The following MYLK4 variants were observed in gnomAD, a reference collection of about 807,000 sequenced individuals.
MYLK4 encodes myosin light chain kinase family member 4.
MYLK4 carries 46 observed loss-of-function variants against 48.1 expected under a neutral mutation model. That is an observed-to-expected ratio of 0.96 (90% confidence interval 0.75 to 1.22). The LOEUF is 1.22. Ranked by LOEUF, MYLK4 falls within the 50% of genes most tolerant of loss-of-function variation. MYLK4 has a pLI of 0.00. For missense variants in MYLK4, 451 were observed against 486.1 expected (o/e 0.93, Z 0.68); for synonymous variants, 170 against 180.8 (o/e 0.94, Z 0.48).
chr6:2,757,444 A>G, the MYLK4 span, among the ~76,000 whole-genome samples: 1 of 152,202 alleles, frequency 6.6e-6, no homozygotes, highest in African/African-American at 2.4e-5. Flanking sequence ...CAACTTGGTC[A>G]TGCCCTTTGA....
intron 7 of MYLK4, among the ~76,000 whole-genome samples, chr6:2,680,834 C>T (rs560104691): frequency 3.3e-4 from 50 of 152,288 alleles, no homozygotes; most frequent in African/African-American, 1.0e-3. Flanking sequence ...TCTCTCCAGT[C>T]GTTCTTCAGT....
At chr6:2,768,245 G>A in the MYLK4 span, among the ~76,000 whole-genome samples, 2 of 152,128 alleles carry the variant, frequency 1.3e-5, no homozygotes, top group Non-Finnish European at 2.9e-5. Flanking sequence ...TTTCTCAGCT[G>A]TCCTGAGCTT....
intron 2 of MYLK4, among the ~76,000 whole-genome samples, chr6:2,728,611 A>G (rs1582105197): frequency 6.6e-6 from 1 of 152,308 alleles, no homozygotes; most frequent in East Asian, 1.9e-4. Flanking sequence ...CTCCCCAGCC[A>G]TGCCCAGAGA....
At chr6:2,769,118 A>G in the MYLK4 span, among the ~76,000 whole-genome samples, 1 of 152,242 alleles carries the variant, frequency 6.6e-6, no homozygotes, top group African/African-American at 2.4e-5. Context: ...AGCTATACGT[A>G]TCAGAAAAGC....
chr6:2,688,604 A>C (rs1761650999), intron 4 of MYLK4, among the ~76,000 whole-genome samples: 2 of 152,032 alleles, frequency 1.3e-5, no homozygotes, highest in African/African-American at 2.4e-5. Flanking sequence ...CCTTCTGGTG[A>C]CTCACAATGG....
At chr6:2,765,942 G>C in the MYLK4 span, 1 of 1,443,840 alleles carries the variant, frequency 6.9e-7, no homozygotes. Context: ...GAGACCGAGA[G>C]CCGCGAGAGC....
At chr6:2,755,900 C>CT (rs1428095927), upstream of MYLK4, among the ~76,000 whole-genome samples, 5 of 152,172 alleles carry the variant, frequency 3.3e-5, no homozygotes, top group East Asian at 9.6e-4. Flanking sequence ...GACACTGTAT[C>CT]TTTTTCAGAA....
At chr6:2,694,562 G>GATGGTGGCGGCGGTGGCA (rs1761974894) in intron 2 of MYLK4, among the ~76,000 whole-genome samples, 1 of 139,974 alleles carries the variant, frequency 7.1e-6, no homozygotes. Context: ...TAGTCGTGGT[G>GATGGTGGCGGCGGTGGCA]GTAGTGGTAG....
the MYLK4 span, among the ~76,000 whole-genome samples, chr6:2,769,908 C>A: frequency 6.6e-6 from 1 of 152,148 alleles, no homozygotes; most frequent in Non-Finnish European, 1.5e-5. Context: ...CAGGCTTGGA[C>A]GGGCATTCCA....
intron 2 of MYLK4, among the ~76,000 whole-genome samples, chr6:2,737,930 G>A (rs1181387472): frequency 8.7e-6 from 1 of 115,558 alleles, no homozygotes; most frequent in Non-Finnish European, 1.6e-5. Context: ...CAAGCAGTGT[G>A]TTAACTGCTT....
the MYLK4 span, among the ~76,000 whole-genome samples, chr6:2,761,481 T>C: frequency 6.6e-6 from 1 of 152,210 alleles, no homozygotes; most frequent in African/African-American, 2.4e-5. Flanking sequence ...CACCACCTAG[T>C]GGAGAAAACC....
At chr6:2,731,072 G>T (rs574509322) in intron 2 of MYLK4, among the ~76,000 whole-genome samples, 1 of 152,218 alleles carries the variant, frequency 6.6e-6, no homozygotes, top group East Asian at 1.9e-4. Flanking sequence ...ATTTAAAAGG[G>T]GTAGTCATCA....
At chr6:2,691,865 G>C (rs551209921) in intron 3 of MYLK4, among the ~76,000 whole-genome samples, 1 of 152,296 alleles carries the variant, frequency 6.6e-6, no homozygotes, top group Admixed American at 6.5e-5. Flanking sequence ...GGAAAACCAA[G>C]TTATAAATCA....
the MYLK4 span, among the ~76,000 whole-genome samples, chr6:2,760,983 G>A: frequency 7.1e-4 from 108 of 152,264 alleles, no homozygotes; most frequent in African/African-American, 2.6e-3. Flanking sequence ...ACTAAAGATG[G>A]CAGGGATGTG....
chr6:2,749,786 GTC>G (rs2113384332), intron 1 of MYLK4, among the ~76,000 whole-genome samples: 1 of 152,178 alleles, frequency 6.6e-6, no homozygotes, highest in Admixed American at 6.5e-5. Flanking sequence ...CACAGAAGGG[GTC>G]TCTCTGCTTC....
chr6:2,726,565 A>G (rs145654923), intron 2 of MYLK4, among the ~76,000 whole-genome samples: 1 of 152,060 alleles, frequency 6.6e-6, no homozygotes, highest in Non-Finnish European at 1.5e-5. Flanking sequence ...ACTCCAAACT[A>G]AAGTAGCTCC....
At chr6:2,763,510 C>T in the MYLK4 span, among the ~76,000 whole-genome samples, 14 of 152,352 alleles carry the variant, frequency 9.2e-5, no homozygotes, top group African/African-American at 2.9e-4. Flanking sequence ...AGTGCTGTCC[C>T]AAGTGCTAAG....
At chr6:2,729,124 A>G (rs1763386927) in intron 2 of MYLK4, among the ~76,000 whole-genome samples, 1 of 152,236 alleles carries the variant, frequency 6.6e-6, no homozygotes, top group Admixed American at 6.5e-5. Context: ...ACACTCCTGC[A>G]AAGCCACAGT....
At chr6:2,704,351 G>A (rs1392446190) in intron 2 of MYLK4, among the ~76,000 whole-genome samples, 3 of 152,148 alleles carry the variant, frequency 2.0e-5, no homozygotes, top group Non-Finnish European at 4.4e-5. Flanking sequence ...AGCGCAATCT[G>A]TTGTCCTGGA....
Sources: gnomAD v4.1 joint callset for allele counts (sites outside exome capture counted in the v4.1 genomes callset) on GRCh38, gnomAD v4.1.1 for gene constraint, MANE v1.5 for transcripts, NCBI Gene and HGNC (gene_info 2026-07-23, HGNC 2026-07-21) for gene names.